Variants in MYOCD observed in about 807,000 individuals in gnomAD.
The protein encoded by MYOCD is myocardin.
Under a neutral mutation model 96.1 loss-of-function variants are expected in MYOCD, and 32 were observed. The observed-to-expected ratio is 0.33, with a 90% confidence interval of 0.25 to 0.45. MYOCD has a LOEUF of 0.45. MYOCD is among the 20% of genes least tolerant of loss of function. The probability of loss-of-function intolerance (pLI) is 1.00; values close to 1 mark genes in which losing one functional copy is unlikely to be tolerated. For synonymous variants in MYOCD, 469 were observed against 469.0 expected (o/e 1.00, Z 0.00); for missense variants, 1,133 against 1,200.6 (o/e 0.94, Z 0.83).
In MYOCD at chr17:12,763,659, C is replaced by G. The variant is rs113878045; in HGVS notation, c.*15C>G. ...AGCAGTGGTAGAATGCCCAATGCAC[C>G]AGTGCTATGGAAGACCAATGGAGTT... On this transcript the variant is annotated 3_prime_UTR_variant, in exon 14 of 14. Transcript: ENST00000425538. 1.5e-3 allele frequency: 2,418 copies of G among 1,594,336 alleles called. 41 individuals are homozygous for G. The African/African-American group carries it at 0.027, about 18-fold the overall frequency.
At position 12,765,961 on chromosome 17, in the gene MYOCD, G is replaced by A. The variant is rs1284656312; in HGVS notation, c.*2317G>A. 1 of 152,120 alleles carries A rather than the reference G, an allele frequency of 6.6e-6. No homozygotes were observed. Among genetic ancestry groups the A allele is most frequent in the Non-Finnish European group, 1.5e-5 (1 of 68,016 alleles). 9.4% of individuals were successfully genotyped at this position (152,120 alleles called of 1,614,324 possible). On this transcript the variant is annotated 3_prime_UTR_variant, in exon 14 of 14. Transcript: ENST00000425538. ...GGTAAATTTTTTATTTTGCTTTTAT[G>A]TCAGTCATCAGAACCAAAAAAATCC...
chr17:12,701,545 C>A (rs2031075272), intron 1 of MYOCD, among the ~76,000 whole-genome samples: 2 of 152,052 alleles, frequency 1.3e-5, no homozygotes, highest in Non-Finnish European at 2.9e-5. Context: ...ATAAAGATTT[C>A]TGCTTTAATC....
chr17:12,705,427 GAT>G (rs1318445147), intron 2 of MYOCD: 1 of 415,756 alleles, frequency 2.4e-6, no homozygotes. Context: ...CAATGTAGTG[GAT>G]TTGTTCTCAG....
In MYOCD at chr17:12,756,561, G is replaced by A. The variant is rs2033018520; in HGVS notation, c.2202+4G>A. On this transcript the variant is annotated splice_donor_region_variant and intron_variant, in intron 11 of 13. Coordinates refer to ENST00000425538, the MANE Select transcript of MYOCD (RefSeq NM_001146312.3). ...AAGCCCATGTGTACAGCAAAAGGTA[G>A]GCACCTGAAAAAAGGCCTCAACCTG... 2 of 1,547,736 alleles carry A rather than the reference G, an allele frequency of 1.3e-6. No homozygotes were observed. The highest frequency in any genetic ancestry group is 1.4e-5 in the African/African-American group (1 of 72,900).
At chr17:12,760,763 G>A in intron 13 of MYOCD, 56 bp downstream of exon 13, 1 of 1,419,484 alleles carries the variant, frequency 7.0e-7, no homozygotes. Flanking sequence ...TGAACTCTAA[G>A]GAATGAACTC....
chr17:12,677,901 T>G (rs1217946757), intron 1 of MYOCD, among the ~76,000 whole-genome samples: 2 of 149,754 alleles, frequency 1.3e-5, no homozygotes, highest in African/African-American at 4.9e-5. Context: ...TTTTTGTTTT[T>G]TTTTTTTTTT....
chr17:12,722,911 T>G lies in MYOCD; in HGVS notation c.318T>G (p.Asp106Glu). 6.2e-7 allele frequency: 1 copy of G among 1,614,058 alleles called. No individual in the cohort carries two copies. The highest frequency in any genetic ancestry group is 1.1e-5 in the South Asian group (1 of 91,080). The change falls in exon 5 of 14, where the codon GAT (aspartate) becomes GAG (glutamate). Residue 106 changes from aspartate to glutamate, a missense_variant. Asp to Glu is a conservative substitution (Grantham distance 45). Transcript: ENST00000425538. ...QMKLKRARLA[D>E]DLNEKIALRP... ...AGCTGAAAAGAGCCCGACTCGCCGA[T>G]GATCTCAATGAAAAAATTGCTCTAC...
intron 5 of MYOCD, among the ~76,000 whole-genome samples, chr17:12,726,813 C>T (rs1317258870): frequency 6.6e-6 from 1 of 152,154 alleles, no homozygotes; most frequent in Non-Finnish European, 1.5e-5. Flanking sequence ...TGCTTTAAAA[C>T]ATTGCTTACT....
chr17:12,754,380 G>T (rs966107773), intron 10 of MYOCD, among the ~76,000 whole-genome samples: 1 of 152,212 alleles, frequency 6.6e-6, no homozygotes, highest in South Asian at 2.1e-4. Flanking sequence ...GGGATTACAG[G>T]CGTGAGCCAC....
At chr17:12,684,903 A>G (rs1402262666) in intron 1 of MYOCD, among the ~76,000 whole-genome samples, 1 of 152,046 alleles carries the variant, frequency 6.6e-6, no homozygotes, top group Non-Finnish European at 1.5e-5. Flanking sequence ...AACCAAGCAC[A>G]GGGTCCTTCT....
In MYOCD at chr17:12,764,190, AT is replaced by A; in HGVS notation, c.*547del. On this transcript the variant is annotated 3_prime_UTR_variant, in exon 14 of 14. Transcript: ENST00000425538. ...TTCTTGAGACAGAGGAACAAAACCA[AT>A]CGATTTCCAGGGAAGCTAATCAACT... The A allele has an allele frequency of 6.6e-6, 1 of 152,380 alleles. No homozygotes were observed. The allele number at this position is 152,380 out of a possible 1,614,324, so 9.4% of individuals were successfully genotyped here. A position where few individuals can be genotyped will look rare whatever the true frequency, so the allele number is the denominator to read the frequency against.
intron 1 of MYOCD, among the ~76,000 whole-genome samples, chr17:12,704,408 T>C (rs1305143571): frequency 2.6e-5 from 4 of 152,216 alleles, no homozygotes; most frequent in Admixed American, 2.0e-4. Flanking sequence ...ATGTATAATC[T>C]ATTTGTGTTA....
intron 2 of MYOCD, among the ~76,000 whole-genome samples, chr17:12,709,899 C>T (rs909401995): frequency 9.9e-5 from 15 of 152,204 alleles, no homozygotes; most frequent in South Asian, 2.1e-4. Flanking sequence ...TTTTAAATAA[C>T]ACCATTTTAT....
intron 2 of MYOCD, among the ~76,000 whole-genome samples, chr17:12,710,798 G>A (rs929848808): frequency 2.6e-5 from 4 of 152,130 alleles, no homozygotes; most frequent in Admixed American, 2.6e-4. Flanking sequence ...CTCAAATTCA[G>A]AGATAGAAAA....
At chr17:12,758,930 T>G (rs767454009) in intron 12 of MYOCD, among the ~76,000 whole-genome samples, 1 of 151,886 alleles carries the variant, frequency 6.6e-6, no homozygotes, top group African/African-American at 2.4e-5. Flanking sequence ...GTGCCTGTAA[T>G]CCCAGCTACT....
chr17:12,720,755 C>G (rs971763539), intron 4 of MYOCD, among the ~76,000 whole-genome samples: 3 of 152,134 alleles, frequency 2.0e-5, no homozygotes, highest in African/African-American at 7.2e-5. Flanking sequence ...GGTGCGGTGG[C>G]TCACGCCTTG....
rs369177324 is a variant in MYOCD at position 12,722,822 on chromosome 17, G to C, written c.254-25G>C. 126 of 1,592,784 alleles carry C rather than the reference G, an allele frequency of 7.9e-5. 1 individual carries two copies. Among genetic ancestry groups the C allele is most frequent in the Non-Finnish European group, 9.0e-5 (105 of 1,170,396 alleles). The stretch of plus-strand genomic sequence containing the variant: ...GACAGAGACATCAAATTCTAGAACT[G>C]ATCCTTTTCATTTCAACCCTTTAGC... On this transcript the variant is annotated intron_variant, in intron 4 of 13. Transcript: ENST00000425538.
chr17:12,723,483 G>A (rs535756214), intron 5 of MYOCD, among the ~76,000 whole-genome samples: 1 of 152,270 alleles, frequency 6.6e-6, no homozygotes, highest in African/African-American at 2.4e-5. Flanking sequence ...AGGCTCCTGG[G>A]AGTGAAATTC....
chr17:12,690,413 T>C (rs2030385179), intron 1 of MYOCD, among the ~76,000 whole-genome samples: 1 of 152,086 alleles, frequency 6.6e-6, no homozygotes, highest in African/African-American at 2.4e-5. Context: ...GAGTACAAAA[T>C]GGCTCATCTT....
Sources: allele counts gnomAD v4.1 joint callset (sites outside exome capture counted in the v4.1 genomes callset), GRCh38; gene constraint gnomAD v4.1.1; transcripts MANE v1.5; gene names NCBI Gene and HGNC (gene_info 2026-07-23, HGNC 2026-07-21).